The following RALGPS1 variants were observed in gnomAD, a reference collection of about 807,000 sequenced individuals.
RALGPS1 encodes ras-specific guanine nucleotide-releasing factor RalGPS1.
In RALGPS1, 19 loss-of-function variants were observed where a neutral mutation model predicts 78.8. The observed-to-expected ratio is 0.24, with a 90% CI of 0.17 to 0.35. The LOEUF (loss-of-function observed/expected upper bound fraction) is 0.35. Ranked by LOEUF, RALGPS1 falls within the 10% of genes least tolerant of loss-of-function variation. The pLI is 1.00. For synonymous variants in RALGPS1, 228 were observed against 256.3 expected, an observed-to-expected ratio of 0.89 and a Z score of 1.06; for missense variants, 454 against 688.3, an observed-to-expected ratio of 0.66 and a Z score of 3.81.
At chr9:126,949,861 T>C (rs1411409715) in intron 1 of RALGPS1, among the ~76,000 whole-genome samples, 5 of 152,190 alleles carry the variant, frequency 3.3e-5, no homozygotes, top group Non-Finnish European at 5.9e-5. Context: ...CCATTGCTTT[T>C]GGTGTTTTAG....
rs1329458912 is a variant in RALGPS1, at chr9:126,922,898, C to T, written c.-66+7923C>T. 2.6e-5 allele frequency among the ~76,000 whole-genome samples: 4 copies of T among 152,330 alleles called. 1 individual carries two copies. The East Asian group carries it at 5.8e-4, about 22-fold the overall frequency. On this transcript the variant is annotated intron_variant, in intron 1 of 18. Transcript: ENST00000259351. ...CTAATTTCTGTCAGAAAAAAGACCA[C>T]ATCATTAGCATGGCCGGTGAGGTGT... is the stretch of plus-strand genomic sequence containing the variant.
chr9:126,980,533 G>A (rs1440589433), intron 4 of RALGPS1, among the ~76,000 whole-genome samples: 3 of 152,208 alleles, frequency 2.0e-5, no homozygotes, highest in African/African-American at 7.2e-5. Flanking sequence ...GAGAACCAGG[G>A]ATGTAGTGAT....
chr9:127,189,785 C>T (rs945696916), intron 11 of RALGPS1, among the ~76,000 whole-genome samples: 5 of 151,982 alleles, frequency 3.3e-5, no homozygotes, highest in African/African-American at 7.2e-5. Context: ...GGCAGCTCCC[C>T]GTCAGCCTAA....
At position 127,122,861 on chromosome 9, in the gene RALGPS1, C is replaced by T. The variant is rs538407474; in HGVS notation, c.611-43208C>T. The T allele has an allele frequency of 1.3e-5, 2 of 152,518 alleles. No homozygotes were observed. Among genetic ancestry groups the T allele is most frequent in the East Asian group, 3.9e-4 (2 of 5,190 alleles). The allele number at this position is 152,518 out of a possible 1,614,324, so 9.4% of individuals were successfully genotyped here. A position where few individuals can be genotyped will look rare whatever the true frequency, so the allele number is the denominator to read the frequency against. On this transcript the variant is annotated intron_variant, in intron 8 of 18. Coordinates refer to ENST00000259351, the MANE Select transcript of RALGPS1 (RefSeq NM_014636.3). This position sits in a 1 kb window ranked among gnomAD's most constrained non-coding sequence, Gnocchi z 6.4. ...GGCCTGGCCCCTCCCGCCCAGCCCG[C>T]TTTGGCGGCCTCGGCAGGCCCCCTC... is the stretch of plus-strand genomic sequence containing the variant.
intron 11 of RALGPS1, among the ~76,000 whole-genome samples, chr9:127,189,595 C>T (rs1029250249): frequency 2.6e-5 from 4 of 152,230 alleles, no homozygotes; most frequent in African/African-American, 9.6e-5. Context: ...TGTGAAGGCA[C>T]TACAGGGTCA....
In RALGPS1 at chr9:127,183,702, C is replaced by G. The variant is rs1356688519; in HGVS notation, c.910+8920C>G. 1.3e-5 allele frequency among the ~76,000 whole-genome samples: 2 copies of G among 152,126 alleles called. No individual in the cohort carries two copies. The highest frequency in any genetic ancestry group is 2.9e-5 in the Non-Finnish European group (2 of 68,026). ...GAAAAAGAGAACAGCCAGGGGCAAG[C>G]TGTAGGCCCTCTCTCCATGTGCTCC... On this transcript the variant is annotated intron_variant, in intron 11 of 18. Transcript: ENST00000259351. The surrounding 1 kb of genome is among the most constrained non-coding windows in gnomAD (Gnocchi z 4.0).
At chr9:126,973,708 C>T (rs374159314) in intron 3 of RALGPS1, among the ~76,000 whole-genome samples, 97 of 152,280 alleles carry the variant, frequency 6.4e-4, no homozygotes, top group South Asian at 2.5e-3. Context: ...GAACTGCTTT[C>T]GTCTTGCAAA....
chr9:127,085,743 T>C (rs2051651645), intron 8 of RALGPS1, among the ~76,000 whole-genome samples: 1 of 152,114 alleles, frequency 6.6e-6, no homozygotes, highest in Non-Finnish European at 1.5e-5. Context: ...AGCTCTCTGT[T>C]TGGGGTTTTG....
intron 14 of RALGPS1, among the ~76,000 whole-genome samples, chr9:127,210,073 G>A (rs980725329): frequency 6.6e-6 from 1 of 152,160 alleles, no homozygotes; most frequent in Non-Finnish European, 1.5e-5. Context: ...GAAGCTGCAC[G>A]TTGCCCTGGA....
rs574838038 is a variant in RALGPS1, at chr9:127,093,857, G to A, written c.610+24501G>A. 92 of 1,614,066 alleles carry A rather than the reference G, an allele frequency of 5.7e-5. No homozygotes were observed. The highest frequency in any genetic ancestry group is 1.6e-4 in the Middle Eastern group (1 of 6,062). On this transcript the variant is annotated intron_variant, in intron 8 of 18. Transcript: ENST00000259351. Reference sequence around the variant, plus strand: ...CTGCATGAGGCGGTTGGTGTTCTCCGGCTTCACCAGGTAGATGGAGCTGGT... The same window carrying A: ...CTGCATGAGGCGGTTGGTGTTCTCCAGCTTCACCAGGTAGATGGAGCTGGT...
At chr9:127,010,914 G>A (rs1030901409) in intron 4 of RALGPS1, among the ~76,000 whole-genome samples, 22 of 152,346 alleles carry the variant, frequency 1.4e-4, no homozygotes, top group African/African-American at 4.8e-4. Context: ...GGTCTCTGAT[G>A]TGCTGTCTCT....
chr9:127,099,415 C>G (rs1039111319), intron 8 of RALGPS1, among the ~76,000 whole-genome samples: 1 of 152,348 alleles, frequency 6.6e-6, no homozygotes, highest in Middle Eastern at 3.4e-3. Flanking sequence ...AAACATTTTT[C>G]TAACAGGAGA....
At chr9:127,072,470 C>T (rs2050292892) in intron 8 of RALGPS1, among the ~76,000 whole-genome samples, 1 of 152,190 alleles carries the variant, frequency 6.6e-6, no homozygotes, top group South Asian at 2.1e-4. Flanking sequence ...CTGCCTTGGC[C>T]TCCCGATATC....
At chr9:126,958,584 T>C (rs1025615017) in intron 1 of RALGPS1, among the ~76,000 whole-genome samples, 2 of 152,220 alleles carry the variant, frequency 1.3e-5, no homozygotes, top group Non-Finnish European at 2.9e-5. Flanking sequence ...GTGAAGTGGC[T>C]GTATCAGTGC....
intron 2 of RALGPS1, among the ~76,000 whole-genome samples, chr9:126,962,851 G>A (rs1445406949): frequency 6.6e-6 from 1 of 152,226 alleles, no homozygotes; most frequent in Non-Finnish European, 1.5e-5. Flanking sequence ...CATGCAGGAG[G>A]AGTGGGTGCC....
At position 127,126,076 on chromosome 9, in the gene RALGPS1, A is replaced by G. The variant is rs528852230; in HGVS notation, c.611-39993A>G. ...AGGGGGCAGTTTTGCTGTATCTTGC[A>G]TTCTCAGAGTGCCACCATTATTTGA... On this transcript the variant is annotated intron_variant, in intron 8 of 18. Coordinates refer to ENST00000259351, the MANE Select transcript of RALGPS1 (RefSeq NM_014636.3). Among the ~76,000 whole-genome samples, 11 of 152,208 alleles carry G rather than the reference A, an allele frequency of 7.2e-5. 1 individual carries two copies. The South Asian group carries it at 2.1e-3, about 29-fold the overall frequency.
chr9:127,149,429 C>G (rs1109043), intron 8 of RALGPS1, among the ~76,000 whole-genome samples: 83,324 of 152,178 alleles, frequency 0.55, 23,502 homozygotes, highest in African/African-American at 0.66. Context: ...TAGTGGAGCT[C>G]GGCACCATGA....
At chr9:127,081,526 G>T (rs1367035541) in intron 8 of RALGPS1, among the ~76,000 whole-genome samples, 1 of 152,250 alleles carries the variant, frequency 6.6e-6, no homozygotes, top group Non-Finnish European at 1.5e-5. Flanking sequence ...AAGGCTGTGT[G>T]CTTCTTTTAA....
intron 8 of RALGPS1, among the ~76,000 whole-genome samples, chr9:127,143,112 A>G (rs2057891506): frequency 6.6e-6 from 1 of 152,078 alleles, no homozygotes. Context: ...AATGTTTCCA[A>G]GTTTTTGTTT....
Sources: gnomAD v4.1 joint callset for allele counts (sites outside exome capture counted in the v4.1 genomes callset) on GRCh38, gnomAD v4.1.1 for gene constraint, Gnocchi (gnomAD v3.1) non-coding constraint, MANE v1.5 for transcripts, NCBI Gene and HGNC (gene_info 2026-07-23, HGNC 2026-07-21) for gene names.